KHDRBS3: variants seen among roughly 807,000 people sequenced by gnomAD.
KHDRBS3 encodes the protein KH RNA binding domain containing, signal transduction associated 3.
KHDRBS3 carries 23 observed loss-of-function variants against 45.6 expected under a neutral mutation model. The ratio of observed to expected loss-of-function variants is 0.50; its 90% CI spans 0.36 to 0.72. The LOEUF is 0.72. Among genes scored for constraint, KHDRBS3 ranks in the 30% least tolerant of loss-of-function variants. The pLI is 0.00. For synonymous variants in KHDRBS3, 162 were observed against 156.5 expected (o/e 1.04, Z -0.26); for missense variants, 352 against 424.8 (o/e 0.83, Z 1.51).
At chr8:135,466,145 C>G (rs978395264) in intron 1 of KHDRBS3, among the ~76,000 whole-genome samples, 5 of 152,174 alleles carry the variant, frequency 3.3e-5, no homozygotes, top group Non-Finnish European at 7.3e-5. Flanking sequence ...TTTTGATTTT[C>G]ATGCATTGGT....
intron 6 of KHDRBS3, among the ~76,000 whole-genome samples, chr8:135,585,059 C>CA (rs71298252): frequency 0.38 from 55,852 of 145,224 alleles, 11,812 homozygotes; most frequent in South Asian, 0.54. Context: ...TCATCTCTAC[C>CA]AAAAAAAAAA....
intron 1 of KHDRBS3, among the ~76,000 whole-genome samples, chr8:135,480,034 T>G (rs1196231488): frequency 6.6e-6 from 1 of 152,164 alleles, no homozygotes; most frequent in East Asian, 1.9e-4. Flanking sequence ...ATAGAATACC[T>G]CATATCAAAA....
At chr8:135,517,233 T>G (rs1326333145) in intron 1 of KHDRBS3, among the ~76,000 whole-genome samples, 2 of 152,226 alleles carry the variant, frequency 1.3e-5, no homozygotes, top group African/African-American at 4.8e-5. Flanking sequence ...GAGATGGTAT[T>G]GGTACCTTAA....
Position 135,512,429 on chromosome 8 carries a change from C to CGGCG in KHDRBS3, c.89-8806_89-8805insCGGG, listed in dbSNP as rs142771026. Among the ~76,000 whole-genome samples, 52 of 78,122 alleles carry CGGCG rather than the reference C, an allele frequency of 6.7e-4. 2 individuals carry two copies. The highest frequency in any genetic ancestry group is 3.1e-3 in the African/African-American group (47 of 15,078). 51.3% of individuals were successfully genotyped at this position (78,122 alleles called of 152,430 possible). A position where few individuals can be genotyped will look rare whatever the true frequency, so the allele number is the denominator to read the frequency against. On this transcript the variant is annotated intron_variant, in intron 1 of 8. Transcript: ENST00000355849. ...CAAGAGTTAAGGTGTTTGGAAAAGT[C>CGGCG]GGGGGGGGGGTAATAACTCTATTGA...
intron 7 of KHDRBS3, among the ~76,000 whole-genome samples, chr8:135,607,921 A>G (rs1002468835): frequency 6.6e-6 from 1 of 152,174 alleles, no homozygotes; most frequent in African/African-American, 2.4e-5. Context: ...GTTTTTGCTC[A>G]TACCAAATTT....
chr8:135,474,712 G>A (rs1023144733), intron 1 of KHDRBS3, among the ~76,000 whole-genome samples: 3 of 152,186 alleles, frequency 2.0e-5, no homozygotes, highest in African/African-American at 7.2e-5. Context: ...AGATTCAGAT[G>A]TTCTCTGAGA....
At chr8:135,575,182 T>G (rs1827894088) in intron 5 of KHDRBS3, among the ~76,000 whole-genome samples, 1 of 152,244 alleles carries the variant, frequency 6.6e-6, no homozygotes, top group Admixed American at 6.5e-5. Flanking sequence ...AGTGTTATTT[T>G]TTTCTTTTTA....
intron 7 of KHDRBS3, among the ~76,000 whole-genome samples, chr8:135,620,569 A>G (rs563788812): frequency 1.3e-5 from 2 of 152,346 alleles, no homozygotes; most frequent in South Asian, 2.1e-4. Context: ...TGTCATCAAA[A>G]TCTTCATGGC....
At chr8:135,518,701 G>A (rs1231984357) in intron 1 of KHDRBS3, among the ~76,000 whole-genome samples, 3 of 152,208 alleles carry the variant, frequency 2.0e-5, no homozygotes, top group Non-Finnish European at 2.9e-5. Context: ...AGCAGCTGAT[G>A]TGAGACTTAC....
At chr8:135,571,430 C>G (rs537455541) in intron 5 of KHDRBS3, among the ~76,000 whole-genome samples, 1 of 152,184 alleles carries the variant, frequency 6.6e-6, no homozygotes, top group South Asian at 2.1e-4. Context: ...TTCCTTAAAT[C>G]CTTTTTGTGA....
chr8:135,568,411 A>C (rs1430077465), intron 5 of KHDRBS3, among the ~76,000 whole-genome samples: 1 of 152,136 alleles, frequency 6.6e-6, no homozygotes, highest in Non-Finnish European at 1.5e-5. Context: ...AATTCCACTA[A>C]ATGAGTGAAA....
chr8:135,569,710 TC>T (rs1199769304), intron 5 of KHDRBS3, among the ~76,000 whole-genome samples: 6 of 152,154 alleles, frequency 3.9e-5, no homozygotes, highest in African/African-American at 1.2e-4. Flanking sequence ...TGGTTACTGT[TC>T]CATTCCCACT....
intron 7 of KHDRBS3, among the ~76,000 whole-genome samples, chr8:135,622,257 G>A (rs1830178262): frequency 6.6e-6 from 1 of 152,080 alleles, no homozygotes; most frequent in Non-Finnish European, 1.5e-5. Context: ...ATATAGAGAG[G>A]TAGAATTTTA....
At chr8:135,603,373 G>A (rs1474167630) in intron 6 of KHDRBS3, among the ~76,000 whole-genome samples, 1 of 152,188 alleles carries the variant, frequency 6.6e-6, no homozygotes, top group Non-Finnish European at 1.5e-5. Flanking sequence ...TATTTGTAAT[G>A]TCTGCATTTT....
chr8:135,557,088 G>C (rs2130830142), intron 4 of KHDRBS3, among the ~76,000 whole-genome samples: 1 of 152,172 alleles, frequency 6.6e-6, no homozygotes, highest in East Asian at 1.9e-4. Flanking sequence ...TCTGTTACTT[G>C]GTTCATTATA....
intron 6 of KHDRBS3, among the ~76,000 whole-genome samples, chr8:135,592,225 G>A (rs1395593273): frequency 2.6e-5 from 4 of 151,950 alleles, no homozygotes; most frequent in African/African-American, 7.2e-5. Flanking sequence ...TAAAATATAT[G>A]AGTATGGAAG....
chr8:135,592,975 G>A lies in KHDRBS3; in HGVS notation c.807+10902G>A, dbSNP rs542622243. ...GCACTTTGGGAGGCCGGAGTTGGAG[G>A]TTTGCTTGAGGCCAGGAGTTCAAGA... is the stretch of plus-strand genomic sequence containing the variant. On this transcript the variant is annotated intron_variant, in intron 6 of 8. Coordinates refer to ENST00000355849, the MANE Select transcript of KHDRBS3 (RefSeq NM_006558.3). Among the ~76,000 whole-genome samples the A allele has an allele frequency of 4.6e-5, 7 of 152,220 alleles. No individual in the cohort carries two copies. In the South Asian group the frequency reaches 1.5e-3, roughly 32 times the overall value.
intron 5 of KHDRBS3, among the ~76,000 whole-genome samples, chr8:135,562,877 G>A (rs1827235285): frequency 6.6e-6 from 1 of 152,148 alleles, no homozygotes; most frequent in African/African-American, 2.4e-5. Context: ...CTTAAGACTT[G>A]TGAGAAAAAT....
intron 2 of KHDRBS3, among the ~76,000 whole-genome samples, chr8:135,526,448 G>A (rs964599938): frequency 6.6e-6 from 1 of 151,972 alleles, no homozygotes; most frequent in Non-Finnish European, 1.5e-5. Flanking sequence ...CTGCTTTCAG[G>A]ATACTGAAAA....
Sources: gnomAD v4.1 joint callset for allele counts (sites outside exome capture counted in the v4.1 genomes callset) on GRCh38, gnomAD v4.1.1 for gene constraint, MANE v1.5 for transcripts, NCBI Gene and HGNC (gene_info 2026-07-23, HGNC 2026-07-21) for gene names.